The following C21orf58 variants were observed in gnomAD, a reference collection of about 807,000 sequenced individuals.
The protein encoded by C21orf58 is uncharacterized protein C21orf58.
C21orf58 carries 34 observed loss-of-function variants against 35.8 expected under a neutral mutation model. That is an observed-to-expected ratio of 0.95 (90% CI 0.72 to 1.26). C21orf58 has a LOEUF of 1.26. C21orf58 is among the 50% of genes most tolerant of loss of function. The probability of loss-of-function intolerance (pLI) is 0.00; values close to 1 mark genes in which losing one functional copy is unlikely to be tolerated. For missense variants in C21orf58, 440 were observed against 414.3 expected, an observed-to-expected ratio of 1.06 and a Z score of -0.54; for synonymous variants, 191 against 175.8, an observed-to-expected ratio of 1.09 and a Z score of -0.68.
chr21:46,322,448 G>T, intron 1 of C21orf58, 191 bp downstream of exon 1: 7 of 985,284 alleles, frequency 7.1e-6, no homozygotes, highest in Non-Finnish European at 8.4e-6. Flanking sequence ...ATTGTAACAC[G>T]TAACAGTTGT....
intron 7 of C21orf58, 110 bp from the exon 8 acceptor site, chr21:46,302,264 G>A (rs2145884917): frequency 7.0e-7 from 1 of 1,426,558 alleles, no homozygotes; most frequent in Non-Finnish European, 9.2e-7. Flanking sequence ...AGGATGGCAG[G>A]GTCTAAGCAT....
intron 3 of C21orf58, 89 bp from the exon 4 acceptor site, chr21:46,315,636 G>T: frequency 1.2e-6 from 1 of 853,114 alleles, no homozygotes; most frequent in Non-Finnish European, 2.0e-6. Context: ...ACCCATGTCG[G>T]AAGGCCCTGC....
chr21:46,321,150 G>A (rs1460570027), intron 1 of C21orf58, among the ~76,000 whole-genome samples: 1 of 151,962 alleles, frequency 6.6e-6, no homozygotes, highest in African/African-American at 2.4e-5. Context: ...TCTTACCTTA[G>A]TGTGCTACAT....
At chr21:46,320,523 A>C (rs1359537572) in intron 1 of C21orf58, 1 of 151,716 alleles carries the variant, frequency 6.6e-6, no homozygotes, top group East Asian at 1.9e-4. Context: ...AAAAAAAAAA[A>C]AAAAAAAAAA....
chr21:46,309,837 A>C (rs2082591689), intron 6 of C21orf58, among the ~76,000 whole-genome samples: 1 of 151,954 alleles, frequency 6.6e-6, no homozygotes, highest in Non-Finnish European at 1.5e-5. Flanking sequence ...TCTATTAAAA[A>C]TACAAAAAAT....
intron 3 of C21orf58, among the ~76,000 whole-genome samples, chr21:46,316,355 C>T (rs1243426057): frequency 6.6e-6 from 1 of 152,112 alleles, no homozygotes; most frequent in African/African-American, 2.4e-5. Flanking sequence ...ACTCGGGAGG[C>T]TGAGGCACAA....
chr21:46,322,639 C>T lies in C21orf58; in HGVS notation c.100G>A (p.Gly34Ser). Reference protein sequence around the residue: ...SPDSGHSLLCGWSPGGKARPA... With the variant: ...SPDSGHSLLCSWSPGGKARPA... Reference sequence around the variant, plus strand: ...GGAGACCGCTGGACACCCCGCTCACCACACAGAAGACTGTGGCCTGAGTCA... The same window carrying T: ...GGAGACCGCTGGACACCCCGCTCACTACACAGAAGACTGTGGCCTGAGTCA... Residue 34 changes from glycine (G) to serine (S), a missense_variant and splice_region_variant, in exon 1 of 8, where the codon GGC becomes AGC. By Grantham distance (56) the Gly-to-Ser change is moderately conservative. Coordinates refer to ENST00000291691, the MANE Select transcript of C21orf58 (RefSeq NM_058180.5). The T allele has an allele frequency of 6.4e-7, 1 of 1,558,360 alleles. No homozygotes were observed. Among genetic ancestry groups the T allele is most frequent in the South Asian group, 1.2e-5 (1 of 83,634 alleles).
At position 46,315,530 on chromosome 21, in the gene C21orf58, C is replaced by T; in HGVS notation, c.388G>A (p.Asp130Asn). The change falls in exon 4 of 8, where the codon GAC (aspartate) becomes AAC (asparagine). Residue 130 changes from aspartate (D) to asparagine (N), a missense_variant. Transcript: ENST00000291691. ...TTCAGAGCAGTCTGCAGGGCATCGT[C>T]CGGCCGGTCCTCATTTCCTGGAGGG... ...HLEPGNEDRP[D>N]DALQTALKRR... is the part of the protein sequence containing the mutation. 6.2e-7 allele frequency: 1 copy of T among 1,611,606 alleles called. No homozygotes were observed. The highest frequency in any genetic ancestry group is 8.5e-7 in the Non-Finnish European group (1 of 1,178,122).
Position 46,322,629 on chromosome 21 carries a change from C to G in C21orf58, c.100+10G>C. 1 of 1,524,300 alleles carries G rather than the reference C, an allele frequency of 6.6e-7. No individual in the cohort carries two copies. Among genetic ancestry groups the G allele is most frequent in the Non-Finnish European group, 8.8e-7 (1 of 1,132,796 alleles). 94.4% of individuals were successfully genotyped at this position (1,524,300 alleles called of 1,614,324 possible). A position where few individuals can be genotyped will look rare whatever the true frequency, so the allele number is the denominator to read the frequency against. Reference sequence around the variant, plus strand: ...CTGGGAACCAGGAGACCGCTGGACACCCCGCTCACCACACAGAAGACTGTG... The same window carrying G: ...CTGGGAACCAGGAGACCGCTGGACAGCCCGCTCACCACACAGAAGACTGTG... On this transcript the variant is annotated intron_variant, in intron 1 of 7. Transcript: ENST00000291691.
intron 6 of C21orf58, among the ~76,000 whole-genome samples, chr21:46,304,020 G>GA (rs2082301886): frequency 2.2e-5 from 1 of 44,566 alleles, no homozygotes; most frequent in East Asian, 5.7e-4. Context: ...CAAAGTGCTG[G>GA]TTTTTTTTTT....
chr21:46,304,936 G>T (rs866470585), intron 6 of C21orf58, among the ~76,000 whole-genome samples: 63 of 152,184 alleles, frequency 4.1e-4, no homozygotes, highest in African/African-American at 1.5e-3. Flanking sequence ...CACACTAAGC[G>T]AAATAAGCCA....
intron 4 of C21orf58, 157 bp downstream of exon 4, chr21:46,315,317 A>C: frequency 3.3e-6 from 2 of 613,814 alleles, no homozygotes; most frequent in Non-Finnish European, 5.8e-6. Flanking sequence ...ACCTGCACCC[A>C]GGCAGGTCTC....
chr21:46,303,761 T>A (rs1328575891), intron 6 of C21orf58, among the ~76,000 whole-genome samples: 2 of 87,766 alleles, frequency 2.3e-5, no homozygotes, highest in East Asian at 3.4e-4. Flanking sequence ...TTTTTTTTTT[T>A]TTTTTTTGGA....
intron 1 of C21orf58, chr21:46,318,725 A>G (rs1258258448): frequency 9.9e-7 from 1 of 1,005,684 alleles, no homozygotes; most frequent in African/African-American, 1.7e-5. Context: ...AGGGGTTGTG[A>G]CCTGCAGAGG....
At chr21:46,312,401 C>G (rs1416600624) in intron 5 of C21orf58, among the ~76,000 whole-genome samples, 1 of 152,138 alleles carries the variant, frequency 6.6e-6, no homozygotes, top group East Asian at 1.9e-4. Context: ...TCACTGCAAC[C>G]TCCGCCTCCC....
chr21:46,306,498 C>T (rs1051983188), intron 6 of C21orf58, among the ~76,000 whole-genome samples: 5 of 150,948 alleles, frequency 3.3e-5, no homozygotes, highest in Non-Finnish European at 7.4e-5. Context: ...ACTCCCATCT[C>T]GAAAAAAAAA....
At chr21:46,300,736 T>C (rs1477167825), downstream of C21orf58, 1 of 1,289,072 alleles carries the variant, frequency 7.8e-7, no homozygotes, top group South Asian at 1.2e-5. Context: ...CTTTCAAAGA[T>C]GGAAGCACTG....
chr21:46,300,791 T>C, downstream of C21orf58: 1 of 1,289,110 alleles, frequency 7.8e-7, no homozygotes, highest in South Asian at 1.2e-5. Flanking sequence ...TGAAAGAATC[T>C]GTCCTAATAG....
At chr21:46,300,616 G>A (rs2082078347), downstream of C21orf58, 1 of 1,196,054 alleles carries the variant, frequency 8.4e-7, no homozygotes, top group East Asian at 5.8e-5. Context: ...AGCTGCGCTG[G>A]GCCCTTCGGT....
Sources: gnomAD v4.1 joint callset for allele counts (sites outside exome capture counted in the v4.1 genomes callset) on GRCh38, gnomAD v4.1.1 for gene constraint, MANE v1.5 for transcripts, NCBI Gene and HGNC (gene_info 2026-07-23, HGNC 2026-07-21) for gene names.